The following CSMD1 variants were observed in gnomAD, a reference collection of about 807,000 sequenced individuals.
CSMD1 encodes the protein CUB and sushi domain-containing protein 1.
Under a neutral mutation model 417.5 loss-of-function variants are expected in CSMD1, and 213 were observed. That is an observed-to-expected ratio of 0.51 (90% CI 0.46 to 0.57). The LOEUF (loss-of-function observed/expected upper bound fraction) is 0.57. CSMD1 is among the 20% of genes least tolerant of loss of function. The probability of loss-of-function intolerance (pLI) is 0.00; values close to 1 mark genes in which losing one functional copy is unlikely to be tolerated. For missense variants in CSMD1, 6,923 were observed against 4,529.7 expected (o/e 1.53, Z -15.17); for synonymous variants, 2,862 against 1,736.8 (o/e 1.65, Z -16.11).
intron 3 of CSMD1, among the ~76,000 whole-genome samples, chr8:4,344,146 G>C (rs113177288): frequency 2.0e-5 from 3 of 152,224 alleles, no homozygotes; most frequent in African/African-American, 7.2e-5. Flanking sequence ...TAGCAACTGA[G>C]AAATGCCTTG....
chr8:4,335,362 G>A (rs969273378), intron 3 of CSMD1, among the ~76,000 whole-genome samples: 1 of 152,012 alleles, frequency 6.6e-6, no homozygotes. Context: ...TCAATCTATA[G>A]GAATCTGGAT....
chr8:3,830,666 A>G (rs1244499308), intron 5 of CSMD1, among the ~76,000 whole-genome samples: 1 of 152,142 alleles, frequency 6.6e-6, no homozygotes, highest in Non-Finnish European at 1.5e-5. Flanking sequence ...AGGAATTCAC[A>G]CTCAGAAAAC....
At chr8:3,113,080 G>A (rs1004487756) in intron 42 of CSMD1, 1 of 152,244 alleles carries the variant, frequency 6.6e-6, no homozygotes, top group South Asian at 2.1e-4. Flanking sequence ...TGCAGGAAGT[G>A]TGCGTGTCTC....
chr8:4,246,704 T>C (rs561834139), intron 3 of CSMD1, among the ~76,000 whole-genome samples: 10 of 152,270 alleles, frequency 6.6e-5, no homozygotes, highest in Non-Finnish European at 1.3e-4. Context: ...TTTTTCATTG[T>C]TTTTTAATTT....
At chr8:3,705,312 G>A (rs528373826) in intron 7 of CSMD1, among the ~76,000 whole-genome samples, 3 of 152,308 alleles carry the variant, frequency 2.0e-5, no homozygotes, top group African/African-American at 7.2e-5. Context: ...CCTTGGAGCA[G>A]AGACAGCTTC....
At chr8:3,431,019 C>T (rs191213893) in intron 12 of CSMD1, among the ~76,000 whole-genome samples, 4 of 152,206 alleles carry the variant, frequency 2.6e-5, no homozygotes, top group Admixed American at 2.0e-4. Flanking sequence ...GTTTTAGTTC[C>T]TTAGCAAGAT....
At chr8:4,228,033 A>C (rs115147768) in intron 3 of CSMD1, among the ~76,000 whole-genome samples, 1 of 151,436 alleles carries the variant, frequency 6.6e-6, no homozygotes, top group African/African-American at 2.4e-5. Context: ...CCCCACATTA[A>C]ATCCCACACC....
At chr8:3,701,136 A>G (rs997050073) in intron 7 of CSMD1, among the ~76,000 whole-genome samples, 40 of 152,052 alleles carry the variant, frequency 2.6e-4, no homozygotes, top group African/African-American at 9.4e-4. Flanking sequence ...TAAGAGGGAG[A>G]GAGATGCCTG....
chr8:3,607,205 C>G (rs983982892), intron 8 of CSMD1, among the ~76,000 whole-genome samples: 2 of 152,112 alleles, frequency 1.3e-5, no homozygotes, highest in Non-Finnish European at 2.9e-5. Flanking sequence ...TAGGCCTGCA[C>G]GACGTCAGGA....
At chr8:4,069,675 G>A (rs1019352015) in intron 3 of CSMD1, among the ~76,000 whole-genome samples, 1 of 152,038 alleles carries the variant, frequency 6.6e-6, no homozygotes. Flanking sequence ...TTCTCCGACT[G>A]GATTGCATTC....
chr8:3,568,302 G>T (rs867804084), intron 10 of CSMD1, among the ~76,000 whole-genome samples: 1 of 152,096 alleles, frequency 6.6e-6, no homozygotes, highest in Non-Finnish European at 1.5e-5. Flanking sequence ...GTGTGCTGTT[G>T]TCAATGGCAG....
At chr8:3,383,668 G>C (rs925350336) in intron 18 of CSMD1, among the ~76,000 whole-genome samples, 13 of 152,018 alleles carry the variant, frequency 8.6e-5, no homozygotes, top group African/African-American at 2.4e-4. Flanking sequence ...ACAATGTGTA[G>C]ATCGAAGGAA....
chr8:4,406,773 G>C (rs73177370), intron 3 of CSMD1, among the ~76,000 whole-genome samples: 4 of 152,130 alleles, frequency 2.6e-5, no homozygotes, highest in African/African-American at 9.7e-5. Flanking sequence ...TAATTTACTA[G>C]AACTCCTGAG....
chr8:4,829,698 T>A (rs189349670), intron 1 of CSMD1, among the ~76,000 whole-genome samples: 2 of 146,178 alleles, frequency 1.4e-5, no homozygotes, highest in Admixed American at 7.0e-5. Flanking sequence ...TCTTTGCACC[T>A]CTGCACTCCA....
intron 10 of CSMD1, among the ~76,000 whole-genome samples, chr8:3,565,083 T>C (rs1362204183): frequency 1.8e-5 from 1 of 55,210 alleles, no homozygotes; most frequent in Admixed American, 2.3e-4. Flanking sequence ...GAACTTAAAA[T>C]AAATATTGAA....
intron 3 of CSMD1, among the ~76,000 whole-genome samples, chr8:4,041,802 AACAT>A (rs765357343): frequency 1.6e-4 from 24 of 152,022 alleles, no homozygotes; most frequent in Non-Finnish European, 2.5e-4. Context: ...AAAACAAACA[AACAT>A]ACCCACAAAA....
rs73660400 is a variant in CSMD1, at chr8:3,629,340, C to T, written c.1010-12543G>A. 8.4e-3 allele frequency among the ~76,000 whole-genome samples: 1,278 copies of T among 152,216 alleles called. 11 individuals are homozygous for T. Among genetic ancestry groups the T allele is most frequent in the South Asian group, 0.024 (116 of 4,818 alleles). On this transcript the variant is annotated intron_variant, in intron 7 of 69. Coordinates refer to ENST00000635120, the MANE Select transcript of CSMD1 (RefSeq NM_033225.6). ...TTCTTTCACTGATGCATTCAGCTGA[C>T]ATTCAGATACAGCGTCCTCCATTAT...
In CSMD1 at chr8:3,945,729, A is replaced by T. The variant is rs941791105; in HGVS notation, c.818+52174T>A. Among the ~76,000 whole-genome samples, 19 of 152,234 alleles carry T rather than the reference A, an allele frequency of 1.2e-4. No homozygotes were observed. In the East Asian group the frequency reaches 3.1e-3, roughly 25 times the overall value. ...AAAGCTCATTTCCTTACCTTAGGTT[A>T]CTAGGGGATAGAAAACCAAGAAATG... On this transcript the variant is annotated intron_variant, in intron 5 of 69. Coordinates refer to ENST00000635120, the MANE Select transcript of CSMD1 (RefSeq NM_033225.6).
chr8:2,995,058 T>C (rs1373956891), intron 54 of CSMD1, among the ~76,000 whole-genome samples: 3 of 152,140 alleles, frequency 2.0e-5, no homozygotes, highest in Admixed American at 1.3e-4. Flanking sequence ...AGACGATGAA[T>C]TTAAAACTTG....
Sources: allele counts gnomAD v4.1 joint callset (sites outside exome capture counted in the v4.1 genomes callset), GRCh38; gene constraint gnomAD v4.1.1; transcripts MANE v1.5; gene names NCBI Gene and HGNC (gene_info 2026-07-23, HGNC 2026-07-21).